Variants in VRK3 observed in about 807,000 individuals in gnomAD.
VRK3 encodes the protein serine/threonine-protein kinase VRK3.
In VRK3, 50 loss-of-function variants were observed where a neutral mutation model predicts 60.4. The observed-to-expected ratio is 0.83, with a 90% CI of 0.66 to 1.05. The LOEUF (loss-of-function observed/expected upper bound fraction) is 1.05, where lower values mean the gene tolerates loss of function less well. VRK3 is among the 50% of genes least tolerant of loss of function. The pLI is 0.00. For missense variants in VRK3, 549 were observed against 585.3 expected (o/e 0.94, Z 0.64); for synonymous variants, 246 against 227.8 (o/e 1.08, Z -0.72).
intron 5 of VRK3, chr19:50,001,511 C>T (rs151249615): frequency 2.7e-5 from 4 of 150,350 alleles, no homozygotes; most frequent in African/African-American, 5.0e-5. Context: ...CCTGCAGGGT[C>T]GGCTGAGGCC....
intron 3 of VRK3, among the ~76,000 whole-genome samples, chr19:50,014,431 C>A (rs1046635693): frequency 6.6e-6 from 1 of 151,966 alleles, no homozygotes; most frequent in East Asian, 1.9e-4. Context: ...TGGTGGCAGG[C>A]GCCTGTAATC....
intron 9 of VRK3, among the ~76,000 whole-genome samples, chr19:49,993,705 TTTGA>T (rs2076652072): frequency 6.6e-6 from 1 of 152,276 alleles, no homozygotes; most frequent in South Asian, 2.1e-4. Context: ...CGGCCAATTC[TTTGA>T]TTGTGTCTGC....
Position 50,007,607 on chromosome 19 carries a change from G to C in VRK3, c.509C>G (p.Ser170Cys). 1 of 1,614,202 alleles carries C rather than the reference G, an allele frequency of 6.2e-7. No homozygotes were observed. Among genetic ancestry groups the C allele is most frequent in the Non-Finnish European group, 8.5e-7 (1 of 1,180,050 alleles). Residue 170 changes from serine (S) to cysteine (C), a missense_variant, in exon 5 of 15, where the codon TCC becomes TGC. By Grantham distance (112) the Ser-to-Cys change is moderately radical. Coordinates refer to ENST00000316763, the MANE Select transcript of VRK3 (RefSeq NM_016440.4). ...DKSGRQWKLKSFQTRDNQGIL... is the reference protein window; with the variant it reads ...DKSGRQWKLKCFQTRDNQGIL... ...GCCCTGGTTGTCCCTGGTCTGGAAG[G>C]ACTTCAGCTTCCACTGTCGCCCACT...
At chr19:49,977,366 C>A (rs978478161) in intron 14 of VRK3, among the ~76,000 whole-genome samples, 2 of 152,066 alleles carry the variant, frequency 1.3e-5, no homozygotes, top group Non-Finnish European at 2.9e-5. Context: ...TGTTCCCAAC[C>A]AAGGGGCTGA....
chr19:50,009,438 G>A, intron 3 of VRK3, 53 bp from the exon 4 acceptor site: 36 of 1,600,614 alleles, frequency 2.2e-5, no homozygotes, highest in Non-Finnish European at 3.1e-5. Flanking sequence ...CCCTCTGCAG[G>A]CACCATTGGA....
Position 49,979,152 on chromosome 19 carries a change from A to T in VRK3, c.1367T>A (p.Leu456Ter). 1 of 1,614,026 alleles carries T rather than the reference A, an allele frequency of 6.2e-7. No individual in the cohort carries two copies. The highest frequency in any genetic ancestry group is 8.5e-7 in the Non-Finnish European group (1 of 1,179,946). The change falls in exon 14 of 15, where the codon TTG becomes TAG. Residue 456 changes from leucine to a stop codon, truncating the protein, a stop_gained. Coordinates refer to ENST00000316763, the MANE Select transcript of VRK3 (RefSeq NM_016440.4). LOFTEE classifies it high-confidence loss of function. The part of the protein sequence containing the change: ...YAMLRNNLEA[L>*]LQDLRVSPYD... ...TGGAGACACACGCAGATCCTGCAGC[A>T]AAGCTTCTAGGTTGTTCCTCAGCAT...
At position 50,005,315 on chromosome 19, in the gene VRK3, G is replaced by A. The variant is rs912339285; in HGVS notation, c.547+2254C>T. Among the ~76,000 whole-genome samples the A allele has an allele frequency of 4.0e-5, 6 of 149,232 alleles. 2 individuals carry two copies. Among genetic ancestry groups the A allele is most frequent in the African/African-American group, 1.6e-4 (6 of 38,594 alleles). On this transcript the variant is annotated intron_variant, in intron 5 of 14. Coordinates refer to ENST00000316763, the MANE Select transcript of VRK3 (RefSeq NM_016440.4). ...CCCACCTGCCCAGACTTCAAGGCAG[G>A]GATGGCCAACGGAAGGCTCAAAATT... is the stretch of plus-strand genomic sequence containing the variant.
intron 9 of VRK3, among the ~76,000 whole-genome samples, 160 bp from the exon 10 acceptor site, chr19:49,993,112 G>A (rs566918763): frequency 2.6e-5 from 4 of 152,294 alleles, no homozygotes; most frequent in South Asian, 4.2e-4. Context: ...TGAGGAGCCC[G>A]CTGTGACAGC....
chr19:50,002,140 C>T (rs1350179544), intron 5 of VRK3, among the ~76,000 whole-genome samples: 1 of 152,194 alleles, frequency 6.6e-6, no homozygotes, highest in Non-Finnish European at 1.5e-5. Flanking sequence ...GCACACCTGA[C>T]TCACGCTGGT....
chr19:50,017,222 A>G (rs2077093081), intron 2 of VRK3, among the ~76,000 whole-genome samples: 1 of 151,888 alleles, frequency 6.6e-6, no homozygotes, highest in Non-Finnish European at 1.5e-5. Context: ...CAGCAGCAAC[A>G]AAAAAAGGCC....
intron 13 of VRK3, among the ~76,000 whole-genome samples, chr19:49,980,588 AC>A (rs1234491779): frequency 6.6e-6 from 1 of 151,814 alleles, no homozygotes; most frequent in African/African-American, 2.4e-5. Context: ...ATGGTGACGC[AC>A]GCCTATAACC....
rs573337606 is a variant in VRK3, at chr19:49,997,974, T to A, written c.613-404A>T. 162 of 156,104 alleles carry A rather than the reference T, an allele frequency of 1.0e-3. 2 individuals carry two copies. In the South Asian group the frequency reaches 0.03, roughly 29 times the overall value. 9.7% of individuals were successfully genotyped at this position (156,104 alleles called of 1,614,324 possible). On this transcript the variant is annotated intron_variant, in intron 6 of 14. Coordinates refer to ENST00000316763, the MANE Select transcript of VRK3 (RefSeq NM_016440.4). ...TCTACCTTTCCTCTTCTGTTCCAGC[T>A]GGCTGCAACGCAGATGTGATGGTGG...
Position 50,025,330 on chromosome 19 carries a change from A to T in VRK3, c.-128T>A, listed in dbSNP as rs1003511952. 6.6e-6 allele frequency: 1 copy of T among 152,300 alleles called. No homozygotes were observed. The highest frequency in any genetic ancestry group is 1.9e-4 in the East Asian group (1 of 5,178). 9.4% of individuals were successfully genotyped at this position (152,300 alleles called of 1,614,324 possible). ...GCAGCCTGACCCTCGGATCCTCCGC[A>T]GTTACCCGGACTCACCTTCTCAGTT... On this transcript the variant is annotated 5_prime_UTR_variant, in exon 1 of 15. Coordinates refer to ENST00000316763, the MANE Select transcript of VRK3 (RefSeq NM_016440.4).
chr19:50,002,673 C>A (rs1320784466), intron 5 of VRK3, among the ~76,000 whole-genome samples: 1 of 152,178 alleles, frequency 6.6e-6, no homozygotes, highest in Non-Finnish European at 1.5e-5. Context: ...GGAAAGCTAG[C>A]TGGGCAATTT....
chr19:49,988,395 C>G lies in VRK3; in HGVS notation c.1194G>C (p.Glu398Asp). 1.9e-6 allele frequency: 3 copies of G among 1,613,106 alleles called. No individual in the cohort carries two copies. The highest frequency in any genetic ancestry group is 2.5e-6 in the Non-Finnish European group (3 of 1,179,400). The change falls in exon 12 of 15, where the codon GAG becomes GAC. Residue 398 changes from glutamate to aspartate, a missense_variant. Transcript: ENST00000316763. ...ACTTCTGTTTTTGCTTCATGATGTC[C>G]TCAGTGTTGGGAAGGCAATTTGTCC... ...LPWTNCLPNTEDIMKQKQKFV... is the reference protein window; with the variant it reads ...LPWTNCLPNTDDIMKQKQKFV...
At chr19:49,993,280 G>A (rs1441556028) in intron 9 of VRK3, among the ~76,000 whole-genome samples, 1 of 152,176 alleles carries the variant, frequency 6.6e-6, no homozygotes, top group African/African-American at 2.4e-5. Context: ...AGCACCTGTG[G>A]ATATCAAAGA....
At chr19:49,977,123 A>C (rs1238256591) in intron 14 of VRK3, among the ~76,000 whole-genome samples, 2 of 151,942 alleles carry the variant, frequency 1.3e-5, no homozygotes, top group Admixed American at 1.3e-4. Context: ...ACATAAAGCC[A>C]GGATGAGGGG....
At chr19:50,008,555 G>C (rs535485564) in intron 4 of VRK3, among the ~76,000 whole-genome samples, 2 of 152,294 alleles carry the variant, frequency 1.3e-5, no homozygotes, top group Admixed American at 1.3e-4. Context: ...ATAGTCCTCA[G>C]GCCTCCCGTG....
intron 3 of VRK3, among the ~76,000 whole-genome samples, chr19:50,010,037 CAAT>C (rs1029067809): frequency 6.7e-6 from 1 of 148,870 alleles, no homozygotes; most frequent in Non-Finnish European, 1.5e-5. Context: ...TTTCTGATTA[CAAT>C]AATTATTTTA....
Sources: gnomAD v4.1 joint callset for allele counts (sites outside exome capture counted in the v4.1 genomes callset) on GRCh38, gnomAD v4.1.1 for gene constraint, MANE v1.5 for transcripts, NCBI Gene and HGNC (gene_info 2026-07-23, HGNC 2026-07-21) for gene names.